Variants in CLMN observed in about 807,000 individuals in gnomAD.
CLMN encodes the protein calmin, also known as calmin (calponin-like, transmembrane).
Under a neutral mutation model 92.7 loss-of-function variants are expected in CLMN, and 57 were observed. The observed-to-expected ratio is 0.61, with a 90% CI of 0.50 to 0.77. The LOEUF (loss-of-function observed/expected upper bound fraction) is 0.77, where lower values mean the gene tolerates loss of function less well. Among genes scored for constraint, CLMN ranks in the 30% least tolerant of loss-of-function variants. The pLI, the probability that CLMN is intolerant of heterozygous loss-of-function variation, is 0.00. For synonymous variants in CLMN, 466 were observed against 470.6 expected, an observed-to-expected ratio of 0.99 and a Z score of 0.13; for missense variants, 1,158 against 1,237.5, an observed-to-expected ratio of 0.94 and a Z score of 0.96.
chr14:95,258,140 G>A (rs755849788), intron 1 of CLMN, among the ~76,000 whole-genome samples: 5 of 152,082 alleles, frequency 3.3e-5, no homozygotes, highest in South Asian at 4.1e-4. Flanking sequence ...GTTTGTGTGG[G>A]GATATGATAT....
chr14:95,287,341 G>A (rs974834488), intron 1 of CLMN, among the ~76,000 whole-genome samples: 2 of 152,194 alleles, frequency 1.3e-5, no homozygotes, highest in Admixed American at 1.3e-4. Context: ...CATGCAACAT[G>A]CAAACTACAG....
chr14:95,270,894 C>G (rs560910501), intron 1 of CLMN, among the ~76,000 whole-genome samples: 1 of 152,314 alleles, frequency 6.6e-6, no homozygotes, highest in South Asian at 2.1e-4. Context: ...AACGGACAGA[C>G]TGTTTTCTAA....
intron 1 of CLMN, among the ~76,000 whole-genome samples, chr14:95,283,712 AG>A (rs1900228352): frequency 6.6e-6 from 1 of 152,248 alleles, no homozygotes; most frequent in African/African-American, 2.4e-5. Flanking sequence ...AACTTGAGAA[AG>A]ATGATTTAGG....
rs149471358 is a variant in CLMN, at chr14:95,216,366, G to A, written c.325-633C>T. ...AGCTACAATTCAAGGTGAGATTTGG[G>A]TGGGGACACAGCCAAACCATATCAG... On this transcript the variant is annotated intron_variant, in intron 4 of 12. Coordinates refer to ENST00000298912, the MANE Select transcript of CLMN (RefSeq NM_024734.4). Among the ~76,000 whole-genome samples, 1,159 of 152,318 alleles carry A rather than the reference G, an allele frequency of 7.6e-3. 21 individuals carry two copies. Among genetic ancestry groups the A allele is most frequent in the African/African-American group, 0.027 (1,118 of 41,582 alleles).
Position 95,190,030 on chromosome 14 carries a change from G to A in CLMN, c.*1534C>T, listed in dbSNP as rs2140552770. The A allele has an allele frequency of 6.6e-6, 1 of 152,336 alleles. No individual in the cohort carries two copies. Among genetic ancestry groups the A allele is most frequent in the East Asian group, 1.9e-4 (1 of 5,184 alleles). 9.4% of individuals were successfully genotyped at this position (152,336 alleles called of 1,614,324 possible). A position where few individuals can be genotyped will look rare whatever the true frequency, so the allele number is the denominator to read the frequency against. ...GAAAGAAACGTGATTCCTGGAGTAAGAGCGACGCTGGTATGTCAAATGACA... is the reference window on the plus strand; with the variant it reads ...GAAAGAAACGTGATTCCTGGAGTAAAAGCGACGCTGGTATGTCAAATGACA... On this transcript the variant is annotated 3_prime_UTR_variant, in exon 13 of 13. Coordinates refer to ENST00000298912, the MANE Select transcript of CLMN (RefSeq NM_024734.4).
At chr14:95,301,615 G>T (rs907918789) in intron 1 of CLMN, among the ~76,000 whole-genome samples, 1 of 152,138 alleles carries the variant, frequency 6.6e-6, no homozygotes, top group African/African-American at 2.4e-5. Context: ...CTCATCCCCA[G>T]GTCTGCTGCC....
chr14:95,310,863 G>A (rs183252910), intron 1 of CLMN, among the ~76,000 whole-genome samples: 2 of 152,376 alleles, frequency 1.3e-5, no homozygotes, highest in African/African-American at 4.8e-5. Flanking sequence ...GGGTGCAGCT[G>A]TGGCCCAGTT....
chr14:95,258,726 GTGTA>G (rs1357769287), intron 1 of CLMN, among the ~76,000 whole-genome samples: 1 of 144,064 alleles, frequency 6.9e-6, no homozygotes, highest in Non-Finnish European at 1.5e-5. Context: ...TGTGTGGTAT[GTGTA>G]TGTATCTGTG....
At position 95,302,533 on chromosome 14, in the gene CLMN, A is replaced by T. The variant is rs1901104369; in HGVS notation, c.82+17178T>A. On this transcript the variant is annotated intron_variant, in intron 1 of 12. Transcript: ENST00000298912. The stretch of plus-strand genomic sequence containing the variant: ...TTTAATCTACTATATCCAAAGTATT[A>T]TCATTTCAACATTTAGGTAATATTT... Among the ~76,000 whole-genome samples, 2 of 152,222 alleles carry T rather than the reference A, an allele frequency of 1.3e-5. 1 individual carries two copies. Among genetic ancestry groups the T allele is most frequent in the South Asian group, 4.1e-4 (2 of 4,834 alleles).
intron 4 of CLMN, among the ~76,000 whole-genome samples, chr14:95,220,169 C>CTTTTTTTTTTTT (rs767326601): frequency 2.8e-5 from 2 of 71,796 alleles, no homozygotes; most frequent in Non-Finnish European, 2.4e-5. Flanking sequence ...GGATAGGTCC[C>CTTTTTTTTTTTT]TTTTTTTTTT....
intron 3 of CLMN, 75 bp from the exon 4 acceptor site, chr14:95,221,849 G>T: frequency 7.2e-7 from 1 of 1,387,278 alleles, no homozygotes; most frequent in Non-Finnish European, 9.9e-7. Context: ...GGTGCTGCTG[G>T]GTGTGCTTTA....
chr14:95,309,228 C>A lies in CLMN; in HGVS notation c.82+10483G>T, dbSNP rs17191114. ...TATGTGATGTAATAAAACCAAAAGT[C>A]GGAAACTGTCTATAAACCCATATTT... On this transcript the variant is annotated intron_variant, in intron 1 of 12. Coordinates refer to ENST00000298912, the MANE Select transcript of CLMN (RefSeq NM_024734.4). Among the ~76,000 whole-genome samples the A allele has an allele frequency of 2.0e-5, 3 of 152,098 alleles. No individual in the cohort carries two copies. In the East Asian group the frequency reaches 5.8e-4, roughly 29 times the overall value.
At chr14:95,301,666 A>G (rs765837444) in intron 1 of CLMN, among the ~76,000 whole-genome samples, 1 of 152,222 alleles carries the variant, frequency 6.6e-6, no homozygotes, top group Non-Finnish European at 1.5e-5. Flanking sequence ...CAACCAGCAC[A>G]TTCCTGCCCT....
intron 9 of CLMN, among the ~76,000 whole-genome samples, chr14:95,199,984 G>T (rs1020206602): frequency 6.8e-6 from 1 of 148,106 alleles, no homozygotes; most frequent in African/African-American, 2.5e-5. Context: ...CAGCAGTCAG[G>T]AAGTGATAAG....
Position 95,194,543 on chromosome 14 carries a change from GA to G in CLMN, c.2761del (p.Ser921ArgfsTer11). The G allele has an allele frequency of 6.2e-7, 1 of 1,614,144 alleles. No homozygotes were observed. Among genetic ancestry groups the G allele is most frequent in the Non-Finnish European group, 8.5e-7 (1 of 1,180,020 alleles). On this transcript the variant is annotated frameshift_variant, in exon 11 of 13. Transcript: ENST00000298912. LOFTEE classifies it high-confidence loss of function. This position sits in a 1 kb window ranked among gnomAD's most constrained non-coding sequence, Gnocchi z 4.0. ...AGAAATTCACATACTAACCGATTCC[GA>G]AGACCTATGAGTATGTCGTCGAAGG... ...IYLRRHTHRS[S>X]ESDHFSYVQL...
intron 1 of CLMN, among the ~76,000 whole-genome samples, chr14:95,253,865 C>T (rs894720927): frequency 2.4e-4 from 36 of 152,272 alleles, no homozygotes; most frequent in African/African-American, 7.5e-4. Context: ...CCGCCCGCCT[C>T]GGCCTCTCAA....
intron 1 of CLMN, among the ~76,000 whole-genome samples, chr14:95,295,879 G>T (rs1900788790): frequency 6.6e-6 from 1 of 152,178 alleles, no homozygotes; most frequent in Admixed American, 6.5e-5. Flanking sequence ...CCTCAGAGAG[G>T]CTCCCCCGAT....
chr14:95,217,077 C>T (rs564154728), intron 4 of CLMN, among the ~76,000 whole-genome samples: 1 of 152,306 alleles, frequency 6.6e-6, no homozygotes, highest in Admixed American at 6.5e-5. Flanking sequence ...TAAGGCTTTG[C>T]AGGCCACACT....
chr14:95,307,273 A>G (rs1315485389), intron 1 of CLMN, among the ~76,000 whole-genome samples: 1 of 152,202 alleles, frequency 6.6e-6, no homozygotes, highest in African/African-American at 2.4e-5. Flanking sequence ...CATGCATTCA[A>G]CAATATAAAC....
Sources: allele counts gnomAD v4.1 joint callset (sites outside exome capture counted in the v4.1 genomes callset), GRCh38; gene constraint gnomAD v4.1.1; non-coding constraint Gnocchi (gnomAD v3.1); transcripts MANE v1.5; gene names NCBI Gene and HGNC (gene_info 2026-07-23, HGNC 2026-07-21).